The following ERBB2 variants were observed in gnomAD, a reference collection of about 807,000 sequenced individuals.
ERBB2 encodes the protein receptor tyrosine-protein kinase erbB-2.
ERBB2 carries 61 observed loss-of-function variants against 149.0 expected under a neutral mutation model. The ratio of observed to expected loss-of-function variants is 0.41; its 90% CI spans 0.33 to 0.51. The LOEUF (loss-of-function observed/expected upper bound fraction) is 0.51, where lower values mean the gene tolerates loss of function less well. ERBB2 is among the 20% of genes least tolerant of loss of function. The probability of loss-of-function intolerance (pLI) is 0.25; values close to 1 mark genes in which losing one functional copy is unlikely to be tolerated. For synonymous variants in ERBB2, 633 were observed against 678.8 expected (o/e 0.93, Z 1.05); for missense variants, 1,205 against 1,655.1 (o/e 0.73, Z 4.72).
At chr17:39,695,726 C>T (rs957685992), upstream of ERBB2, among the ~76,000 whole-genome samples, 2 of 150,054 alleles carry the variant, frequency 1.3e-5, no homozygotes, top group African/African-American at 4.9e-5. Context: ...CACACACACA[C>T]ACACACACAC....
upstream of ERBB2, among the ~76,000 whole-genome samples, chr17:39,691,928 C>CATATAT (rs1459402681): frequency 5.3e-5 from 5 of 93,650 alleles, no homozygotes; most frequent in African/African-American, 1.9e-4. Flanking sequence ...TATACATATA[C>CATATAT]ATATACATAT....
chr17:39,715,706 G>A (rs1438414164), intron 11 of ERBB2, 34 bp from the exon 12 acceptor site: 1 of 1,602,462 alleles, frequency 6.2e-7, no homozygotes, highest in East Asian at 2.2e-5. Context: ...ACCGGGAAGG[G>A]GTCCGTGGTA....
intron 3 of ERBB2, 87 bp from the exon 4 acceptor site, chr17:39,709,231 C>T (rs2145463922): frequency 6.6e-7 from 1 of 1,516,382 alleles, no homozygotes; most frequent in Non-Finnish European, 9.0e-7. Flanking sequence ...AAAAGGCCTG[C>T]TCCTCTTTTA....
rs1385058513 is a variant in ERBB2, at chr17:39,716,312, C to G, written c.1525C>G (p.Leu509Val). The G allele has an allele frequency of 6.3e-7, 1 of 1,594,846 alleles. No individual in the cohort carries two copies. Residue 509 changes from leucine (L) to valine (V), a missense_variant, in exon 13 of 27, where the codon CTG (leucine) becomes GTG (valine). Leu to Val is a conservative substitution (Grantham distance 32). Around this residue, in one of 6 missense-constraint regions of ERBB2, gnomAD observed 569 missense variants for 803.5 expected, o/e 0.71. Coordinates refer to ENST00000269571, the MANE Select transcript of ERBB2 (RefSeq NM_004448.4). ...CCTCCTCACTGCAGTGGGCGAGGGC[C>G]TGGCCTGCCACCAGCTGTGCGCCCG... ...RPEDECVGEG[L>V]ACHQLCARGH...
upstream of ERBB2, among the ~76,000 whole-genome samples, chr17:39,691,928 C>CATATATATATATATATATAT (rs1459402681): frequency 1.3e-4 from 12 of 93,638 alleles, no homozygotes; most frequent in African/African-American, 4.1e-4. Context: ...TATACATATA[C>CATATATATATATATATATAT]ATATACATAT....
chr17:39,710,562 G>C (rs1004612087), intron 7 of ERBB2, 81 bp downstream of exon 7: 1 of 1,504,134 alleles, frequency 6.6e-7, no homozygotes, highest in Non-Finnish European at 9.1e-7. Context: ...GGGGAGCACT[G>C]TCTGCATCTT....
At chr17:39,693,699 A>G (rs2057761905), upstream of ERBB2, among the ~76,000 whole-genome samples, 1 of 151,762 alleles carries the variant, frequency 6.6e-6, no homozygotes, top group African/African-American at 2.4e-5. Context: ...CAGAGGTTGC[A>G]GTGAGCTGAG....
At chr17:39,697,343 T>TG (rs1291787438), upstream of ERBB2, among the ~76,000 whole-genome samples, 23 of 147,924 alleles carry the variant, frequency 1.6e-4, no homozygotes, top group African/African-American at 5.8e-4. Context: ...CTAGGGTTGT[T>TG]TTTTTGTTTT....
intron 3 of ERBB2, 140 bp downstream of exon 3, chr17:39,708,674 C>T: frequency 1.6e-6 from 1 of 643,412 alleles, no homozygotes; most frequent in Non-Finnish European, 2.7e-6. Flanking sequence ...AAGACGCCCT[C>T]AGAAGATTGG....
chr17:39,695,540 C>T (rs1193134871), upstream of ERBB2, among the ~76,000 whole-genome samples: 1 of 152,134 alleles, frequency 6.6e-6, no homozygotes, highest in African/African-American at 2.4e-5. Flanking sequence ...ACTTCCCCAG[C>T]AACCTGTGCC....
rs1198965384 is a variant in ERBB2, at chr17:39,726,675, G to A, written c.2970+16G>A. 6.2e-7 allele frequency: 1 copy of A among 1,612,576 alleles called. No homozygotes were observed. Among genetic ancestry groups the A allele is most frequent in the East Asian group, 2.2e-5 (1 of 44,892 alleles). Reference sequence around the variant, plus strand: ...GGTCATCCAGGTACTGGGCCTCTGTGCCCCATCCCTGCCTGTGGCTAAGAG... The same window carrying A: ...GGTCATCCAGGTACTGGGCCTCTGTACCCCATCCCTGCCTGTGGCTAAGAG... On this transcript the variant is annotated intron_variant, in intron 24 of 26. Transcript: ENST00000269571. The surrounding 1 kb of genome is among the most constrained non-coding windows in gnomAD (Gnocchi z 5.1).
Position 39,725,200 on chromosome 17 carries a change from G to T in ERBB2, c.2645G>T (p.Gly882Val), listed in dbSNP as rs1166920466. 10 of 1,613,954 alleles carry T rather than the reference G, an allele frequency of 6.2e-6. No homozygotes were observed. The highest frequency in any genetic ancestry group is 8.5e-6 in the Non-Finnish European group (10 of 1,180,042). Residue 882 changes from glycine to valine, a missense_variant, in exon 21 of 27, where the codon GGC becomes GTC. Coordinates refer to ENST00000269571, the MANE Select transcript of ERBB2 (RefSeq NM_004448.4). This position sits in a 1 kb window ranked among gnomAD's most constrained non-coding sequence, Gnocchi z 4.6. ...GAGACAGAGTACCATGCAGATGGGG[G>T]CAAGGTTAGGTGAAGGACCAAGGAG... is the stretch of plus-strand genomic sequence containing the variant. ...IDETEYHADG[G>V]KVPIKWMALE...
intron 1 of ERBB2, among the ~76,000 whole-genome samples, chr17:39,706,493 G>A (rs1465178946): frequency 6.6e-6 from 1 of 152,152 alleles, no homozygotes; most frequent in Non-Finnish European, 1.5e-5. Context: ...GTGGCATTAC[G>A]GGGGTGTGGA....
At chr17:39,696,283 C>T (rs2057862302), upstream of ERBB2, among the ~76,000 whole-genome samples, 1 of 152,124 alleles carries the variant, frequency 6.6e-6, no homozygotes, top group Non-Finnish European at 1.5e-5. Flanking sequence ...GAGCCTCCTC[C>T]CCAGGGCGTG....
At position 39,715,774 on chromosome 17, in the gene ERBB2, A is replaced by G. The variant is rs770857517; in HGVS notation, c.1348A>G (p.Ile450Val). The G allele has an allele frequency of 2.5e-6, 4 of 1,608,310 alleles. No individual in the cohort carries two copies. The highest frequency in any genetic ancestry group is 3.4e-6 in the Non-Finnish European group (4 of 1,180,012). The change falls in exon 12 of 27, where the codon ATC becomes GTC. Residue 450 changes from isoleucine to valine, a missense_variant. Ile to Val is a conservative substitution (Grantham distance 29). This residue lies in a region of ERBB2 where 569 missense variants were observed against 803.5 expected (regional missense o/e 0.71). Transcript: ENST00000269571. ...CTCGCTGACCCTGCAAGGGCTGGGCATCAGCTGGCTGGGGCTGCGCTCACT... is the reference window on the plus strand; with the variant it reads ...CTCGCTGACCCTGCAAGGGCTGGGCGTCAGCTGGCTGGGGCTGCGCTCACT... ...AYSLTLQGLG[I>V]SWLGLRSLRE... is the part of the protein sequence containing the mutation.
chr17:39,717,214 G>T lies in ERBB2; in HGVS notation c.1738-106G>T, dbSNP rs549034632. On this transcript the variant is annotated intron_variant, in intron 14 of 26. Coordinates refer to ENST00000269571, the MANE Select transcript of ERBB2 (RefSeq NM_004448.4). ...TCCCAGGAGCATGGCGAAAATTGCT[G>T]CTGGGTGGCCTTGGGAAGCACAAAG... The T allele has an allele frequency of 1.1e-5, 10 of 908,310 alleles. No individual in the cohort carries two copies. The African/African-American group carries it at 1.5e-4, about 14-fold the overall frequency. The allele number at this position is 908,310 out of a possible 1,614,324, so 56.3% of individuals were successfully genotyped here.
At chr17:39,702,306 A>G (rs1597853424) in intron 1 of ERBB2, among the ~76,000 whole-genome samples, 4 of 152,282 alleles carry the variant, frequency 2.6e-5, no homozygotes, top group South Asian at 4.1e-4. Context: ...TTCAGAAAAA[A>G]AGTATACCAC....
chr17:39,707,177 C>G (rs1387764202), intron 2 of ERBB2, 36 bp downstream of exon 2: 5 of 1,508,772 alleles, frequency 3.3e-6, no homozygotes, highest in South Asian at 2.6e-5. Flanking sequence ...GGCCCTGCCT[C>G]CAGCTGGGCT....
At chr17:39,697,348 TGTTTTG>T (rs2057887666), upstream of ERBB2, among the ~76,000 whole-genome samples, 15 of 147,048 alleles carry the variant, frequency 1.0e-4, no homozygotes, top group South Asian at 6.4e-4. Context: ...GTTGTTTTTT[TGTTTTG>T]TTTTTTTTTT....
Sources: gnomAD v4.1 joint callset for allele counts (sites outside exome capture counted in the v4.1 genomes callset) on GRCh38, gnomAD v4.1.1 for gene constraint, gnomAD v4.1.1 regional missense constraint, Gnocchi (gnomAD v3.1) non-coding constraint, MANE v1.5 for transcripts, NCBI Gene and HGNC (gene_info 2026-07-23, HGNC 2026-07-21) for gene names.